The following CLDN10 variants were observed in gnomAD, a reference collection of about 807,000 sequenced individuals.
CLDN10 encodes the protein claudin 10, also known as claudin-10.
Under a neutral mutation model 22.9 loss-of-function variants are expected in CLDN10, and 15 were observed. The ratio of observed to expected loss-of-function variants is 0.65; its 90% CI spans 0.44 to 1.01. CLDN10 has a LOEUF of 1.01. CLDN10 is among the 50% of genes least tolerant of loss of function. CLDN10 has a pLI of 0.00. For synonymous variants in CLDN10, 114 were observed against 111.4 expected (o/e 1.02, Z -0.15); for missense variants, 247 against 287.8 (o/e 0.86, Z 1.03).
At chr13:95,471,453 A>ATATTTTTTTT (rs776857009) in intron 1 of CLDN10, among the ~76,000 whole-genome samples, 4 of 106,412 alleles carry the variant, frequency 3.8e-5, no homozygotes, top group Non-Finnish European at 5.4e-5. Flanking sequence ...ATATATATAT[A>ATATTTTTTTT]TTTTTTTTTT....
At chr13:95,575,556 CTCT>C (rs983414005) in intron 3 of CLDN10, among the ~76,000 whole-genome samples, 1 of 150,636 alleles carries the variant, frequency 6.6e-6, no homozygotes, top group African/African-American at 2.5e-5. Context: ...ATTTAGCCAG[CTCT>C]TTTTTCACCT....
At chr13:95,543,785 G>A (rs1422488761) in intron 1 of CLDN10, among the ~76,000 whole-genome samples, 1 of 151,738 alleles carries the variant, frequency 6.6e-6, no homozygotes, top group African/African-American at 2.4e-5. Flanking sequence ...CAAACTATCT[G>A]TAGAAAAATT....
chr13:95,468,846 C>T (rs760667202), intron 1 of CLDN10, among the ~76,000 whole-genome samples: 2 of 152,130 alleles, frequency 1.3e-5, no homozygotes, highest in Non-Finnish European at 2.9e-5. Flanking sequence ...TACCATAAAA[C>T]ACATCATGTG....
chr13:95,525,723 C>T lies in CLDN10; in HGVS notation c.215-34409C>T, dbSNP rs186230710. Reference sequence around the variant, plus strand: ...GCCAAGCTGGCCTTGAACTCCTGGCCTCAAGTGATCCACCCACCTCAGCCT... The same window carrying T: ...GCCAAGCTGGCCTTGAACTCCTGGCTTCAAGTGATCCACCCACCTCAGCCT... On this transcript the variant is annotated intron_variant, in intron 1 of 4. Transcript: ENST00000376873. Among the ~76,000 whole-genome samples the T allele has an allele frequency of 5.1e-4, 78 of 152,156 alleles. 1 individual carries two copies. The highest frequency in any genetic ancestry group is 3.7e-3 in the Admixed American group (56 of 15,290).
intron 1 of CLDN10, among the ~76,000 whole-genome samples, chr13:95,465,903 C>T (rs1156866363): frequency 6.6e-6 from 1 of 152,114 alleles, no homozygotes; most frequent in Non-Finnish European, 1.5e-5. Flanking sequence ...TTTTCTGTGT[C>T]TACTGAGATG....
At chr13:95,438,601 T>G (rs2042294435) in intron 1 of CLDN10, among the ~76,000 whole-genome samples, 1 of 152,234 alleles carries the variant, frequency 6.6e-6, no homozygotes, top group African/African-American at 2.4e-5. Context: ...ATGCTGGCTG[T>G]CTGCAGCAGT....
intron 3 of CLDN10, among the ~76,000 whole-genome samples, chr13:95,561,543 A>T (rs2138660839): frequency 6.6e-6 from 1 of 152,332 alleles, no homozygotes; most frequent in African/African-American, 2.4e-5. Flanking sequence ...CTTATAAAGT[A>T]GGTCCTCTTG....
Position 95,466,289 on chromosome 13 carries a change from G to T in CLDN10, c.214+32242G>T, listed in dbSNP as rs2139095547. On this transcript the variant is annotated intron_variant, in intron 1 of 4. Coordinates refer to the CLDN10 transcript ENST00000376873. Reference sequence around the variant, plus strand: ...TTTCTTTCTTTTTTTTGATGTTGTTGTCTGCTTTTGGTGTTGGGGTAATAT... The same window carrying T: ...TTTCTTTCTTTTTTTTGATGTTGTTTTCTGCTTTTGGTGTTGGGGTAATAT... Among the ~76,000 whole-genome samples the T allele has an allele frequency of 2.0e-5, 3 of 151,818 alleles. No individual in the cohort carries two copies. In the South Asian group the frequency reaches 6.2e-4, roughly 31 times the overall value.
intron 1 of CLDN10, among the ~76,000 whole-genome samples, chr13:95,490,120 G>T (rs1184315372): frequency 2.6e-5 from 4 of 152,110 alleles, no homozygotes; most frequent in African/African-American, 7.2e-5. Context: ...GGTGACTATG[G>T]CTTTATAGTA....
intron 1 of CLDN10, among the ~76,000 whole-genome samples, chr13:95,446,020 G>A (rs1466208130): frequency 1.3e-5 from 2 of 152,142 alleles, no homozygotes; most frequent in African/African-American, 4.8e-5. Flanking sequence ...ATGGCCATTT[G>A]TTTCACCTGG....
chr13:95,434,618 A>G (rs1217086063), intron 1 of CLDN10, among the ~76,000 whole-genome samples: 1 of 150,442 alleles, frequency 6.6e-6, no homozygotes, highest in Admixed American at 6.6e-5. Context: ...ATGAATATAT[A>G]TACATATATT....
chr13:95,452,191 C>T (rs1175167322), intron 1 of CLDN10, among the ~76,000 whole-genome samples: 1 of 152,144 alleles, frequency 6.6e-6, no homozygotes, highest in Non-Finnish European at 1.5e-5. Context: ...TTCTTAACCC[C>T]TAATTTTCTC....
intron 3 of CLDN10, among the ~76,000 whole-genome samples, chr13:95,566,501 A>T (rs981767684): frequency 2.0e-5 from 3 of 152,100 alleles, no homozygotes; most frequent in African/African-American, 7.2e-5. Context: ...GTTTGAGTTC[A>T]TTGTAGATTC....
intron 3 of CLDN10, among the ~76,000 whole-genome samples, chr13:95,570,827 T>C (rs577151521): frequency 1.5e-5 from 2 of 131,610 alleles, no homozygotes; most frequent in African/African-American, 2.8e-5. Context: ...TGTATATATA[T>C]ATACACACAC....
At chr13:95,571,536 G>A (rs1025032519) in intron 3 of CLDN10, among the ~76,000 whole-genome samples, 1 of 152,134 alleles carries the variant, frequency 6.6e-6, no homozygotes, top group Non-Finnish European at 1.5e-5. Flanking sequence ...GGGAGGCTGA[G>A]CGTCTCATAA....
intron 1 of CLDN10, among the ~76,000 whole-genome samples, chr13:95,513,467 G>T (rs955656955): frequency 6.6e-6 from 1 of 152,100 alleles, no homozygotes; most frequent in African/African-American, 2.4e-5. Context: ...ATGTCATATT[G>T]TATGACACCC....
At chr13:95,553,008 C>T (rs1566333221) in intron 1 of CLDN10, 35 bp downstream of exon 1, 18 of 1,609,232 alleles carry the variant, frequency 1.1e-5, no homozygotes, top group South Asian at 2.2e-5. Flanking sequence ...CTCAGCCCTC[C>T]TTCCTTGATG....
chr13:95,569,915 C>T (rs1442868879), intron 3 of CLDN10, among the ~76,000 whole-genome samples: 7 of 152,054 alleles, frequency 4.6e-5, no homozygotes, highest in African/African-American at 1.7e-4. Context: ...ACTACAGGCG[C>T]CCGCCACCGC....
intron 1 of CLDN10, among the ~76,000 whole-genome samples, chr13:95,497,621 C>T (rs1256236315): frequency 1.3e-5 from 2 of 152,208 alleles, no homozygotes; most frequent in African/African-American, 2.4e-5. Flanking sequence ...ACCTACCTCA[C>T]CAAATAATCC....
Sources: allele counts gnomAD v4.1 joint callset (sites outside exome capture counted in the v4.1 genomes callset), GRCh38; gene constraint gnomAD v4.1.1; transcripts MANE v1.5; gene names NCBI Gene and HGNC (gene_info 2026-07-23, HGNC 2026-07-21).